The following ENOX1 variants were observed in gnomAD, a reference collection of about 807,000 sequenced individuals.
The protein encoded by ENOX1 is candidate growth-related and time keeping constitutive hydroquinone (NADH) oxidase.
In ENOX1, 42 loss-of-function variants were observed where a neutral mutation model predicts 82.5. The observed-to-expected ratio is 0.51, with a 90% CI of 0.40 to 0.66. The LOEUF (loss-of-function observed/expected upper bound fraction) is 0.66, where lower values mean the gene tolerates loss of function less well. ENOX1 is among the 30% of genes least tolerant of loss of function. ENOX1 has a pLI of 0.00. For missense variants in ENOX1, 608 were observed against 811.6 expected (o/e 0.75, Z 3.05); for synonymous variants, 271 against 282.2 (o/e 0.96, Z 0.40).
intron 1 of ENOX1, among the ~76,000 whole-genome samples, chr13:43,745,123 G>A (rs1949949599): frequency 1.3e-5 from 2 of 152,152 alleles, no homozygotes; most frequent in South Asian, 4.1e-4. Flanking sequence ...CAAGAGTGGA[G>A]GAAGAAGATG....
intron 12 of ENOX1, among the ~76,000 whole-genome samples, chr13:43,275,521 T>C (rs1426740230): frequency 6.6e-6 from 1 of 151,998 alleles, no homozygotes; most frequent in Non-Finnish European, 1.5e-5. Context: ...AGGTTGGTGG[T>C]GGGTCAGGTA....
intron 1 of ENOX1, among the ~76,000 whole-genome samples, chr13:43,679,243 T>C (rs2085664661): frequency 6.6e-6 from 1 of 152,190 alleles, no homozygotes; most frequent in Non-Finnish European, 1.5e-5. Context: ...TCGTACCAAA[T>C]GTTCCCAGAT....
chr13:43,227,926 G>A (rs977730392), intron 15 of ENOX1, among the ~76,000 whole-genome samples: 7 of 151,808 alleles, frequency 4.6e-5, no homozygotes, highest in African/African-American at 1.7e-4. Flanking sequence ...CATCCTCCCC[G>A]GTACCTTGCC....
chr13:43,564,966 G>A (rs1295579498), intron 2 of ENOX1, among the ~76,000 whole-genome samples: 1 of 152,124 alleles, frequency 6.6e-6, no homozygotes, highest in African/African-American at 2.4e-5. Context: ...AAAAGAAGTG[G>A]TAGTGGTGAA....
chr13:43,377,182 G>A (rs2051698844), intron 5 of ENOX1, among the ~76,000 whole-genome samples: 1 of 152,200 alleles, frequency 6.6e-6, no homozygotes. Context: ...TACCATGGGA[G>A]TGGATTAGTT....
At chr13:43,508,433 A>G (rs1026777129) in intron 2 of ENOX1, among the ~76,000 whole-genome samples, 2 of 152,016 alleles carry the variant, frequency 1.3e-5, no homozygotes, top group African/African-American at 4.8e-5. Context: ...TCTGTTCTTT[A>G]TATATCACCT....
At chr13:43,425,459 C>T (rs1198552138) in intron 3 of ENOX1, among the ~76,000 whole-genome samples, 1 of 152,198 alleles carries the variant, frequency 6.6e-6, no homozygotes, top group Admixed American at 6.5e-5. Flanking sequence ...ACACATTCTC[C>T]TTTTCAATAG....
chr13:43,743,279 T>TA (rs942537092), intron 1 of ENOX1, among the ~76,000 whole-genome samples: 2 of 151,762 alleles, frequency 1.3e-5, no homozygotes, highest in African/African-American at 2.4e-5. Context: ...ATGACTAACC[T>TA]AAAAAAAATA....
At chr13:43,704,512 T>A (rs181458092) in intron 1 of ENOX1, among the ~76,000 whole-genome samples, 1 of 152,276 alleles carries the variant, frequency 6.6e-6, no homozygotes, top group East Asian at 1.9e-4. Flanking sequence ...ATACATCTTT[T>A]CCCTTAGGAC....
chr13:43,229,603 T>G (rs73173893), intron 15 of ENOX1, among the ~76,000 whole-genome samples: 54 of 152,310 alleles, frequency 3.5e-4, no homozygotes, highest in Non-Finnish European at 6.3e-4. Context: ...GTGCTTGACA[T>G]GATCTGAATT....
intron 3 of ENOX1, among the ~76,000 whole-genome samples, chr13:43,444,898 G>A (rs1444282046): frequency 1.3e-5 from 2 of 152,160 alleles, no homozygotes; most frequent in Non-Finnish European, 2.9e-5. Flanking sequence ...ATGTGGCCAC[G>A]AGGCAGGGGG....
intron 12 of ENOX1, among the ~76,000 whole-genome samples, chr13:43,291,376 A>C (rs999390298): frequency 1.3e-5 from 2 of 152,200 alleles, no homozygotes; most frequent in African/African-American, 4.8e-5. Context: ...TGTGGAGAGC[A>C]AGTTCACTAT....
At chr13:43,493,772 C>T (rs540664245) in intron 2 of ENOX1, among the ~76,000 whole-genome samples, 1 of 152,312 alleles carries the variant, frequency 6.6e-6, no homozygotes, top group African/African-American at 2.4e-5. Flanking sequence ...TACTGAAGCA[C>T]TGAGAATAAT....
At chr13:43,412,793 T>TA (rs1333003258) in intron 4 of ENOX1, 52 bp downstream of exon 4, 5 of 1,607,630 alleles carry the variant, frequency 3.1e-6, no homozygotes, top group Non-Finnish European at 4.2e-6. Context: ...GCTTTTCCAC[T>TA]AAGAACTCAA....
intron 3 of ENOX1, among the ~76,000 whole-genome samples, chr13:43,427,885 T>C (rs1594539755): frequency 6.6e-6 from 1 of 152,270 alleles, no homozygotes; most frequent in East Asian, 1.9e-4. Flanking sequence ...AAGGAAACCC[T>C]GCTAGACATC....
At chr13:43,544,271 TGCCAGTTTCTTGG>T (rs558840897) in intron 2 of ENOX1, 1 of 152,346 alleles carries the variant, frequency 6.6e-6, no homozygotes, top group East Asian at 1.9e-4. Context: ...TCTCTCTGAG[TGCCAGTTTCTTGG>T]GCTGTAAATT....
At chr13:43,537,429 G>A (rs889402374) in intron 2 of ENOX1, among the ~76,000 whole-genome samples, 3 of 152,194 alleles carry the variant, frequency 2.0e-5, no homozygotes, top group Non-Finnish European at 4.4e-5. Flanking sequence ...AGTCTCCAGA[G>A]CTATTTGGGA....
chr13:43,332,207 GAC>G (rs747027795), intron 9 of ENOX1, among the ~76,000 whole-genome samples: 1 of 152,154 alleles, frequency 6.6e-6, no homozygotes, highest in Non-Finnish European at 1.5e-5. Context: ...TTCTGTGGAA[GAC>G]AGTTTTTCCA....
intron 12 of ENOX1, among the ~76,000 whole-genome samples, chr13:43,272,865 C>T (rs1178600555): frequency 6.6e-6 from 1 of 152,126 alleles, no homozygotes; most frequent in African/African-American, 2.4e-5. Flanking sequence ...CTTATTTAAT[C>T]TTCAGTCTAC....
Sources: allele counts gnomAD v4.1 joint callset (sites outside exome capture counted in the v4.1 genomes callset), GRCh38; gene constraint gnomAD v4.1.1; transcripts MANE v1.5; gene names NCBI Gene and HGNC (gene_info 2026-07-23, HGNC 2026-07-21).